The following NRF1 variants were observed in gnomAD, a reference collection of about 807,000 sequenced individuals.
The protein encoded by NRF1 is nuclear respiratory factor 1.
In NRF1, 5 loss-of-function variants were observed where a neutral mutation model predicts 58.5. The ratio of observed to expected loss-of-function variants is 0.09; its 90% CI spans 0.04 to 0.18. The LOEUF (loss-of-function observed/expected upper bound fraction) is 0.18, where lower values mean the gene tolerates loss of function less well. Among genes scored for constraint, NRF1 ranks in the 10% least tolerant of loss-of-function variants. The probability of loss-of-function intolerance (pLI) is 1.00; values close to 1 mark genes in which losing one functional copy is unlikely to be tolerated. For missense variants in NRF1, 288 were observed against 657.7 expected (o/e 0.44, Z 6.15); for synonymous variants, 224 against 246.7 (o/e 0.91, Z 0.86).
chr7:129,665,605 A>G (rs186900874), intron 2 of NRF1, among the ~76,000 whole-genome samples: 35 of 152,136 alleles, frequency 2.3e-4, no homozygotes, highest in Admixed American at 7.2e-4. Flanking sequence ...AATCACCAGT[A>G]TGTTGTTTGT....
intron 4 of NRF1, among the ~76,000 whole-genome samples, chr7:129,683,324 A>T (rs368395973): frequency 0.033 from 2,899 of 86,876 alleles, 23 homozygotes; most frequent in Non-Finnish European, 0.054. Context: ...TGTGTGTGAG[A>T]GAGAGAGAGA....
chr7:129,652,387 C>T (rs1365628114), intron 1 of NRF1, among the ~76,000 whole-genome samples: 1 of 152,136 alleles, frequency 6.6e-6, no homozygotes, highest in Non-Finnish European at 1.5e-5. Context: ...TAGTGTACAA[C>T]TGAAGCACTC....
At chr7:129,751,221 G>A (rs1804108099) in intron 10 of NRF1, among the ~76,000 whole-genome samples, 2 of 152,248 alleles carry the variant, frequency 1.3e-5, no homozygotes, top group South Asian at 4.1e-4. Flanking sequence ...GGCGTGTGAA[G>A]TGAGTGGGGA....
intron 8 of NRF1, among the ~76,000 whole-genome samples, chr7:129,712,028 G>A (rs1334585940): frequency 1.3e-5 from 2 of 152,184 alleles, no homozygotes; most frequent in African/African-American, 2.4e-5. Flanking sequence ...GATTTCTTAG[G>A]AGAATTCTTC....
chr7:129,619,431 T>TACACACAC (rs1188708134), intron 1 of NRF1, among the ~76,000 whole-genome samples: 21 of 71,526 alleles, frequency 2.9e-4, no homozygotes, highest in Admixed American at 3.3e-4. Flanking sequence ...TATATATATA[T>TACACACAC]ATACACACAC....
chr7:129,623,388 T>TTG (rs568530792), intron 1 of NRF1, among the ~76,000 whole-genome samples: 62 of 152,262 alleles, frequency 4.1e-4, no homozygotes, highest in African/African-American at 1.3e-3. Context: ...CTGTTTTTTT[T>TTG]TTTTTGCATT....
chr7:129,721,703 G>A (rs1273407949), intron 9 of NRF1, among the ~76,000 whole-genome samples: 1 of 151,876 alleles, frequency 6.6e-6, no homozygotes, highest in Non-Finnish European at 1.5e-5. Context: ...GGATGGTCTC[G>A]ATCTCCTGAC....
chr7:129,637,850 A>T (rs529669572), intron 1 of NRF1, among the ~76,000 whole-genome samples: 6 of 151,274 alleles, frequency 4.0e-5, no homozygotes, highest in Non-Finnish European at 8.8e-5. Context: ...ACATTATGAG[A>T]TTTTTTTGTG....
chr7:129,659,514 A>G (rs1379125619), intron 2 of NRF1, among the ~76,000 whole-genome samples: 1 of 152,014 alleles, frequency 6.6e-6, no homozygotes, highest in Admixed American at 6.5e-5. Flanking sequence ...AACAAGTTCT[A>G]TTTTTGCTTG....
In NRF1 at chr7:129,711,578, T is replaced by C; in HGVS notation, c.1065+2T>C. On this transcript the variant is annotated splice_donor_variant, in intron 8 of 10. Transcript: ENST00000393232. LOFTEE classifies it high-confidence loss of function. ...TATTCTGCCGTGGCTGATGGAGAGG[T>C]AAGAAAGAGATTCCATCTGCATCTT... The C allele has an allele frequency of 6.2e-7, 1 of 1,605,224 alleles. No homozygotes were observed. Among genetic ancestry groups the C allele is most frequent in the Non-Finnish European group, 8.5e-7 (1 of 1,174,262 alleles).
At chr7:129,623,684 A>G (rs1800854433) in intron 1 of NRF1, among the ~76,000 whole-genome samples, 1 of 152,200 alleles carries the variant, frequency 6.6e-6, no homozygotes. Context: ...CAAAATGGAA[A>G]GCAAATCTAG....
chr7:129,752,468 T>G (rs770804845), intron 10 of NRF1, among the ~76,000 whole-genome samples: 3 of 152,178 alleles, frequency 2.0e-5, no homozygotes, highest in Non-Finnish European at 4.4e-5. Context: ...TTGAAGACCA[T>G]GCTAAATCAT....
At chr7:129,617,130 CTT>C (rs1331856414) in intron 1 of NRF1, among the ~76,000 whole-genome samples, 1 of 152,106 alleles carries the variant, frequency 6.6e-6, no homozygotes, top group Non-Finnish European at 1.5e-5. Context: ...CTTAAGAACT[CTT>C]TAAGTGGTGC....
At chr7:129,737,127 A>G (rs1168241495) in intron 10 of NRF1, among the ~76,000 whole-genome samples, 1 of 152,236 alleles carries the variant, frequency 6.6e-6, no homozygotes, top group Non-Finnish European at 1.5e-5. Flanking sequence ...AGTGCACAGT[A>G]CTATGTAGAC....
chr7:129,710,431 C>T lies in NRF1; in HGVS notation c.823C>T (p.Arg275Trp), dbSNP rs1284394388. The T allele has an allele frequency of 1.9e-6, 3 of 1,614,146 alleles. No homozygotes were observed. The highest frequency in any genetic ancestry group is 2.5e-6 in the Non-Finnish European group (3 of 1,180,022). Reference protein sequence around the residue: ...IVKNCYKQHGREDLLYAFEDQ... With the variant: ...IVKNCYKQHGWEDLLYAFEDQ... ...TAAAAACTGTTATAAACAGCATGGG[C>T]GGGAAGACCTTTTGTATGCCTTTGA... Residue 275 changes from arginine to tryptophan, a missense_variant, in exon 7 of 11, where the codon CGG becomes TGG. By Grantham distance (101) the Arg-to-Trp change is moderately radical. Coordinates refer to ENST00000393232, the MANE Select transcript of NRF1 (RefSeq NM_005011.5).
intron 1 of NRF1, chr7:129,633,354 G>T (rs893403057): frequency 6.6e-6 from 1 of 152,176 alleles, no homozygotes; most frequent in African/African-American, 2.4e-5. Flanking sequence ...GAATACTGTG[G>T]TGTGCTTATA....
At chr7:129,664,950 A>T (rs1193314752) in intron 2 of NRF1, among the ~76,000 whole-genome samples, 1 of 152,120 alleles carries the variant, frequency 6.6e-6, no homozygotes, top group African/African-American at 2.4e-5. Context: ...GTGGTGGGGG[A>T]GAGCTACCAA....
chr7:129,615,143 CT>C (rs1800634393), intron 1 of NRF1, among the ~76,000 whole-genome samples: 1 of 152,174 alleles, frequency 6.6e-6, no homozygotes, highest in Admixed American at 6.5e-5. Context: ...GAACTATGAA[CT>C]GTCAGTCTTT....
At chr7:129,728,363 C>T (rs555925146) in intron 10 of NRF1, among the ~76,000 whole-genome samples, 2 of 148,528 alleles carry the variant, frequency 1.3e-5, no homozygotes, top group South Asian at 4.3e-4. Context: ...TGGTGGTGTG[C>T]GAGGCTGAGG....
Sources: gnomAD v4.1 joint callset for allele counts (sites outside exome capture counted in the v4.1 genomes callset) on GRCh38, gnomAD v4.1.1 for gene constraint, MANE v1.5 for transcripts, NCBI Gene and HGNC (gene_info 2026-07-23, HGNC 2026-07-21) for gene names.